Variants in CYRIA observed in about 807,000 individuals in gnomAD.
The protein encoded by CYRIA is CYFIP related Rac1 interactor A.
In CYRIA, 15 loss-of-function variants were observed where a neutral mutation model predicts 43.9. That is an observed-to-expected ratio of 0.34 (90% CI 0.23 to 0.53). CYRIA has a LOEUF of 0.53. Ranked by LOEUF, CYRIA falls within the 20% of genes least tolerant of loss-of-function variation. CYRIA has a pLI of 0.94. For synonymous variants in CYRIA, 117 were observed against 136.0 expected, an observed-to-expected ratio of 0.86 and a Z score of 0.97; for missense variants, 236 against 394.2, an observed-to-expected ratio of 0.60 and a Z score of 3.40.
At chr2:16,665,252 G>GC (rs1193875670) in intron 1 of CYRIA, among the ~76,000 whole-genome samples, 1 of 152,118 alleles carries the variant, frequency 6.6e-6, no homozygotes, top group Non-Finnish European at 1.5e-5. Flanking sequence ...GAGGGTGACG[G>GC]CAAGGTGTGC....
At chr2:16,619,003 G>A (rs1024517556) in intron 2 of CYRIA, among the ~76,000 whole-genome samples, 4 of 152,220 alleles carry the variant, frequency 2.6e-5, no homozygotes, top group Non-Finnish European at 5.9e-5. Context: ...TTAGACAAGA[G>A]TTTGGATCCT....
At chr2:16,553,280 A>AT (rs1243189074) in intron 11 of CYRIA, among the ~76,000 whole-genome samples, 2 of 152,102 alleles carry the variant, frequency 1.3e-5, no homozygotes, top group Non-Finnish European at 1.5e-5. Flanking sequence ...ATTTCACAGG[A>AT]TTGAGTGCAG....
chr2:16,583,980 C>G (rs1667640940), intron 3 of CYRIA, among the ~76,000 whole-genome samples: 1 of 152,130 alleles, frequency 6.6e-6, no homozygotes, highest in Non-Finnish European at 1.5e-5. Flanking sequence ...TGACCCAGTT[C>G]AATTATATTC....
intron 2 of CYRIA, among the ~76,000 whole-genome samples, chr2:16,611,536 G>T (rs967846163): frequency 2.0e-5 from 3 of 152,200 alleles, no homozygotes; most frequent in African/African-American, 2.4e-5. Context: ...TGAGGACTGT[G>T]ATCTGGGTAA....
intron 2 of CYRIA, among the ~76,000 whole-genome samples, chr2:16,600,476 G>A (rs1668165960): frequency 6.6e-6 from 1 of 152,162 alleles, no homozygotes; most frequent in Non-Finnish European, 1.5e-5. Flanking sequence ...GCACTTACAG[G>A]TGGGGTATGC....
chr2:16,569,196 G>A (rs1359607735), intron 3 of CYRIA, among the ~76,000 whole-genome samples: 2 of 152,148 alleles, frequency 1.3e-5, no homozygotes, highest in African/African-American at 2.4e-5. Flanking sequence ...TCCCAGAGGA[G>A]GCGGACTTCA....
chr2:16,649,186 T>C (rs1186654151), intron 1 of CYRIA, among the ~76,000 whole-genome samples: 1 of 152,248 alleles, frequency 6.6e-6, no homozygotes, highest in Non-Finnish European at 1.5e-5. Flanking sequence ...TAGAGATTAT[T>C]GAAAGTATAT....
At chr2:16,607,750 C>A (rs1055069016) in intron 2 of CYRIA, among the ~76,000 whole-genome samples, 1 of 152,096 alleles carries the variant, frequency 6.6e-6, no homozygotes, top group African/African-American at 2.4e-5. Context: ...GTGTGTGCCA[C>A]CACACCTGGC....
intron 1 of CYRIA, among the ~76,000 whole-genome samples, chr2:16,637,719 G>A (rs1272204078): frequency 6.6e-6 from 1 of 152,102 alleles, no homozygotes; most frequent in African/African-American, 2.4e-5. Flanking sequence ...TGCTAATAAT[G>A]GCAAATACTT....
chr2:16,651,275 A>G (rs1201328579), intron 1 of CYRIA, among the ~76,000 whole-genome samples: 2 of 152,250 alleles, frequency 1.3e-5, no homozygotes, highest in African/African-American at 4.8e-5. Flanking sequence ...ACCTGGAGCA[A>G]CAATCCTGGC....
intron 11 of CYRIA, among the ~76,000 whole-genome samples, chr2:16,554,128 G>A (rs1666417374): frequency 1.3e-5 from 2 of 152,128 alleles, no homozygotes; most frequent in African/African-American, 4.8e-5. Context: ...ATGATTAAAT[G>A]AGACAATATG....
At chr2:16,651,563 G>A (rs1269770650) in intron 1 of CYRIA, among the ~76,000 whole-genome samples, 1 of 152,170 alleles carries the variant, frequency 6.6e-6, no homozygotes, top group Non-Finnish European at 1.5e-5. Flanking sequence ...CATGGGTCCC[G>A]CACAGGCATG....
At chr2:16,559,321 G>T in intron 10 of CYRIA, 139 bp downstream of exon 10, 1 of 1,021,124 alleles carries the variant, frequency 9.8e-7, no homozygotes, top group Non-Finnish European at 1.4e-6. Flanking sequence ...TTGCTGTGAG[G>T]ACAGCTGCCA....
At chr2:16,639,886 T>G (rs1669620254) in intron 1 of CYRIA, among the ~76,000 whole-genome samples, 1 of 152,256 alleles carries the variant, frequency 6.6e-6, no homozygotes, top group African/African-American at 2.4e-5. Flanking sequence ...GGCTCTGCTG[T>G]TCTTTGCCTT....
chr2:16,643,493 G>A (rs1669734896), intron 1 of CYRIA, among the ~76,000 whole-genome samples: 1 of 152,194 alleles, frequency 6.6e-6, no homozygotes, highest in Non-Finnish European at 1.5e-5. Context: ...ACTTCAATAT[G>A]CAGCAATGCT....
intron 2 of CYRIA, among the ~76,000 whole-genome samples, chr2:16,609,215 G>T (rs1558424678): frequency 6.6e-6 from 1 of 152,192 alleles, no homozygotes; most frequent in African/African-American, 2.4e-5. Context: ...CCGGTGCATG[G>T]TACCCTCTGC....
chr2:16,602,807 A>G (rs1156534974), intron 2 of CYRIA, among the ~76,000 whole-genome samples: 1 of 152,220 alleles, frequency 6.6e-6, no homozygotes. Flanking sequence ...TAAATGGGGC[A>G]TCAAGTTCAT....
chr2:16,551,729 C>T lies in CYRIA; in HGVS notation c.*1207G>A, dbSNP rs1202506150. On this transcript the variant is annotated 3_prime_UTR_variant, in exon 12 of 12. Coordinates refer to ENST00000381323, the MANE Select transcript of CYRIA (RefSeq NM_030797.4). Reference sequence around the variant, plus strand: ...AGAAGGGCGGAGTCAGTCATTTTATCGGCATTAACCTTACAGGGCTCTTGA... The same window carrying T: ...AGAAGGGCGGAGTCAGTCATTTTATTGGCATTAACCTTACAGGGCTCTTGA... 6.6e-6 allele frequency: 1 copy of T among 152,086 alleles called. No homozygotes were observed. Among genetic ancestry groups the T allele is most frequent in the Non-Finnish European group, 1.5e-5 (1 of 68,010 alleles). The allele number at this position is 152,086 out of a possible 1,614,324, so 9.4% of individuals were successfully genotyped here.
At chr2:16,559,422 G>A in intron 10 of CYRIA, 38 bp downstream of exon 10, 4 of 1,600,814 alleles carry the variant, frequency 2.5e-6, no homozygotes, top group Non-Finnish European at 3.4e-6. Flanking sequence ...ACATTCATGG[G>A]CCCTTATTTG....
Sources: allele counts gnomAD v4.1 joint callset (sites outside exome capture counted in the v4.1 genomes callset), GRCh38; gene constraint gnomAD v4.1.1; transcripts MANE v1.5; gene names NCBI Gene and HGNC (gene_info 2026-07-23, HGNC 2026-07-21).